B4GALT6: variants seen among roughly 807,000 people sequenced by gnomAD.
The protein encoded by B4GALT6 is beta-1,4-galactosyltransferase 6.
Under a neutral mutation model 46.3 loss-of-function variants are expected in B4GALT6, and 14 were observed. The ratio of observed to expected loss-of-function variants is 0.30; its 90% confidence interval spans 0.20 to 0.47. The LOEUF is 0.47. Among genes scored for constraint, B4GALT6 ranks in the 20% least tolerant of loss-of-function variants. B4GALT6 has a pLI of 0.99. For synonymous variants in B4GALT6, 168 were observed against 162.0 expected, an observed-to-expected ratio of 1.04 and a Z score of -0.28; for missense variants, 386 against 480.1, an observed-to-expected ratio of 0.80 and a Z score of 1.83.
the B4GALT6 span, among the ~76,000 whole-genome samples, chr18:31,713,330 C>T: frequency 6.6e-6 from 1 of 152,066 alleles, no homozygotes; most frequent in Non-Finnish European, 1.5e-5. Flanking sequence ...CCAGCCCGGG[C>T]AATAGCGTGA....
chr18:31,687,204 A>G (rs1202778767), upstream of B4GALT6, among the ~76,000 whole-genome samples: 3 of 152,234 alleles, frequency 2.0e-5, no homozygotes, highest in Non-Finnish European at 2.9e-5. Context: ...CGGTGCAGCC[A>G]TTGTTGTGAG....
Position 31,629,447 on chromosome 18 carries a change from ATTTTTTTTTTTTTTTTTTTTT to A in B4GALT6, c.776+1491_776+1511del, listed in dbSNP as rs869030382. On this transcript the variant is annotated intron_variant, in intron 6 of 8. Coordinates refer to ENST00000306851, the MANE Select transcript of B4GALT6 (RefSeq NM_004775.5). ...ATTCTTAGTTTATATGCCCTTTATGATTTTTTTTTTTTTTTTTTTTTTTTTTTTTTTTTTTTGTGAAAATCG... is the reference window on the plus strand; with the variant it reads ...ATTCTTAGTTTATATGCCCTTTATGATTTTTTTTTTTTTTTGTGAAAATCG... Among the ~76,000 whole-genome samples, 8 of 32,882 alleles carry A rather than the reference ATTTTTTTTTTTTTTTTTTTTT, an allele frequency of 2.4e-4. No homozygotes were observed. The South Asian group carries it at 9.3e-3, about 38-fold the overall frequency. 21.6% of individuals were successfully genotyped at this position (32,882 alleles called of 152,430 possible). A position where few individuals can be genotyped will look rare whatever the true frequency, so the allele number is the denominator to read the frequency against.
chr18:31,666,139 T>C (rs934443304), intron 2 of B4GALT6, 117 bp downstream of exon 2: 1 of 556,670 alleles, frequency 1.8e-6, no homozygotes, highest in Non-Finnish European at 3.2e-6. Flanking sequence ...ACCAGGACGC[T>C]TAGGGGAAGA....
the B4GALT6 span, among the ~76,000 whole-genome samples, chr18:31,709,601 G>A: frequency 0.58 from 78,733 of 135,816 alleles, 23,480 homozygotes; most frequent in South Asian, 0.71. Context: ...GTGTGTGTGT[G>A]TGTATATATA....
rs769873090 is a variant in B4GALT6 at position 31,630,948 on chromosome 18, A to C, written c.776+11T>G. 1 of 1,613,796 alleles carries C rather than the reference A, an allele frequency of 6.2e-7. No individual in the cohort carries two copies. Among genetic ancestry groups the C allele is most frequent in the Admixed American group, 1.7e-5 (1 of 60,026 alleles). On this transcript the variant is annotated intron_variant, in intron 6 of 8. Coordinates refer to ENST00000306851, the MANE Select transcript of B4GALT6 (RefSeq NM_004775.5). ...TATCGTACAATATCAGGAATAGTGC[A>C]CACTACTTACATATACATGTATTTA...
Position 31,645,414 on chromosome 18 carries a change from C to A in B4GALT6, c.412G>T (p.Asp138Tyr). ...FDEIHQLFSKDLDIEPGGHWR... is the reference protein window; with the variant it reads ...FDEIHQLFSKYLDIEPGGHWR... ...TGACCCCCTGGCTCAATATCTAAAT[C>A]CTTGGAGAAGAGTTGATGAATTTCA... is the stretch of plus-strand genomic sequence containing the variant. Residue 138 changes from aspartate (D) to tyrosine (Y), a missense_variant, in exon 4 of 9, where the codon GAT becomes TAT. Physicochemically the swap from Asp to Tyr is radical, Grantham distance 160 (BLOSUM62 -3). This residue lies in a region of B4GALT6 where 323 missense variants were observed against 438.9 expected (regional missense o/e 0.74). Transcript: ENST00000306851. The A allele has an allele frequency of 6.2e-7, 1 of 1,613,874 alleles. No homozygotes were observed. Among genetic ancestry groups the A allele is most frequent in the South Asian group, 1.1e-5 (1 of 91,004 alleles).
At chr18:31,679,445 A>C (rs1021684224) in intron 1 of B4GALT6, among the ~76,000 whole-genome samples, 2 of 152,206 alleles carry the variant, frequency 1.3e-5, no homozygotes, top group African/African-American at 4.8e-5. Flanking sequence ...AATGGACCCA[A>C]TGACTCTTGT....
At chr18:31,695,206 T>C in the B4GALT6 span, among the ~76,000 whole-genome samples, 9 of 151,482 alleles carry the variant, frequency 5.9e-5, no homozygotes, top group Non-Finnish European at 1.2e-4. Context: ...GGAGGAAAAC[T>C]TGTTAAAGGA....
intron 5 of B4GALT6, among the ~76,000 whole-genome samples, chr18:31,632,829 C>G (rs2073808302): frequency 6.6e-6 from 1 of 152,102 alleles, no homozygotes; most frequent in East Asian, 1.9e-4. Flanking sequence ...GAAATATGCC[C>G]TACACCTATT....
intron 6 of B4GALT6, among the ~76,000 whole-genome samples, chr18:31,630,104 A>C: frequency 1.2e-5 from 1 of 84,378 alleles, no homozygotes; most frequent in South Asian, 4.5e-4. Context: ...GAAGGAGGGG[A>C]GCGGGAGTGG....
intron 3 of B4GALT6, among the ~76,000 whole-genome samples, chr18:31,657,223 T>C (rs2074151522): frequency 6.6e-6 from 1 of 152,088 alleles, no homozygotes; most frequent in Admixed American, 6.5e-5. Context: ...ATATATATTT[T>C]TTTTGCTATT....
At chr18:31,723,690 C>T in the B4GALT6 span, among the ~76,000 whole-genome samples, 1 of 152,196 alleles carries the variant, frequency 6.6e-6, no homozygotes, top group African/African-American at 2.4e-5. Context: ...AATTACCAAA[C>T]ATGCAACAAA....
Position 31,625,761 on chromosome 18 carries a change from C to A in B4GALT6, c.1002G>T (p.Arg334=), listed in dbSNP as rs1400111594. 11 of 1,572,558 alleles carry A rather than the reference C, an allele frequency of 7.0e-6. No homozygotes were observed. The highest frequency in any genetic ancestry group is 9.4e-6 in the Non-Finnish European group (11 of 1,166,506). The change falls in exon 9 of 9, where the codon CGG becomes CGT. Residue 334 remains arginine (R), a splice_region_variant and synonymous_variant. Transcript: ENST00000306851. ...HHRGEVQFLG[R]YKLLRYSKER... is the part of the protein sequence containing the mutation. The stretch of plus-strand genomic sequence containing the variant: ...CCTTGGAATACCTTAGTAATTTATA[C>A]CTATAGTTTTAGAGGAAAAAACAAA...
chr18:31,720,674 A>G, the B4GALT6 span, among the ~76,000 whole-genome samples: 95 of 152,318 alleles, frequency 6.2e-4, no homozygotes, highest in Non-Finnish European at 4.6e-4. Context: ...TTGAAATGGA[A>G]TGAAATAATG....
intron 1 of B4GALT6, among the ~76,000 whole-genome samples, chr18:31,672,641 CTT>C (rs2074369579): frequency 6.6e-6 from 1 of 152,238 alleles, no homozygotes; most frequent in East Asian, 1.9e-4. Context: ...AGCATACTCT[CTT>C]TGTCAAGCAT....
At chr18:31,706,253 G>T in the B4GALT6 span, among the ~76,000 whole-genome samples, 1 of 151,846 alleles carries the variant, frequency 6.6e-6, no homozygotes, top group African/African-American at 2.4e-5. Context: ...CAGGCAAGAG[G>T]AGTATATATA....
intron 1 of B4GALT6, among the ~76,000 whole-genome samples, chr18:31,682,397 G>C (rs1407297829): frequency 6.6e-6 from 1 of 152,120 alleles, no homozygotes; most frequent in African/African-American, 2.4e-5. Context: ...CTTCTAACTG[G>C]TTTTAATAAC....
At chr18:31,724,099 T>C in the B4GALT6 span, 1 of 294,578 alleles carries the variant, frequency 3.4e-6, no homozygotes, top group Non-Finnish European at 6.7e-6. Flanking sequence ...TGGGATAAGA[T>C]TGCCCTGGTG....
At chr18:31,686,284 T>C (rs1008601736), upstream of B4GALT6, 53 of 152,194 alleles carry the variant, frequency 3.5e-4, no homozygotes, top group African/African-American at 1.2e-3. Flanking sequence ...GCGCATGCCA[T>C]AGATCGTCCC....
Sources: allele counts gnomAD v4.1 joint callset (sites outside exome capture counted in the v4.1 genomes callset), GRCh38; gene constraint gnomAD v4.1.1; regional missense constraint gnomAD v4.1.1; transcripts MANE v1.5; gene names NCBI Gene and HGNC (gene_info 2026-07-23, HGNC 2026-07-21).